The following GRIK4 variants were observed in gnomAD, a reference collection of about 807,000 sequenced individuals.
The protein encoded by GRIK4 is glutamate receptor ionotropic, kainate 4.
Under a neutral mutation model 104.9 loss-of-function variants are expected in GRIK4, and 40 were observed. That is an observed-to-expected ratio of 0.38 (90% CI 0.30 to 0.50). The LOEUF (loss-of-function observed/expected upper bound fraction) is 0.50. GRIK4 is among the 20% of genes least tolerant of loss of function. The pLI is 0.93. For synonymous variants in GRIK4, 485 were observed against 524.9 expected, an observed-to-expected ratio of 0.92 and a Z score of 1.04; for missense variants, 1,047 against 1,308.1, an observed-to-expected ratio of 0.80 and a Z score of 3.08.
chr11:120,984,625 G>A (rs1281252320), intron 20 of GRIK4, among the ~76,000 whole-genome samples: 6 of 151,976 alleles, frequency 3.9e-5, no homozygotes, highest in Non-Finnish European at 7.4e-5. Context: ...AAATTTAGCC[G>A]GGTGTGATGG....
intron 13 of GRIK4, among the ~76,000 whole-genome samples, chr11:120,909,557 ATG>A (rs769725813): frequency 1.3e-5 from 2 of 152,182 alleles, no homozygotes; most frequent in Non-Finnish European, 2.9e-5. Flanking sequence ...AAGAAAGAGA[ATG>A]TGTACAAGGA....
At chr11:120,803,908 G>T (rs960894167) in intron 4 of GRIK4, among the ~76,000 whole-genome samples, 10 of 152,182 alleles carry the variant, frequency 6.6e-5, no homozygotes, top group Admixed American at 3.3e-4. Flanking sequence ...CTTTAGAAAA[G>T]AAACTGAGGC....
At chr11:120,663,936 C>A (rs1949861817) in intron 3 of GRIK4, among the ~76,000 whole-genome samples, 1 of 152,196 alleles carries the variant, frequency 6.6e-6, no homozygotes, top group Non-Finnish European at 1.5e-5. Flanking sequence ...CCCATTCCCC[C>A]AGCACATAAC....
chr11:120,696,732 C>G (rs61902688), intron 3 of GRIK4, among the ~76,000 whole-genome samples: 1 of 151,906 alleles, frequency 6.6e-6, no homozygotes, highest in Non-Finnish European at 1.5e-5. Flanking sequence ...AGGGGTGGAC[C>G]GGAGGGAGAG....
intron 3 of GRIK4, among the ~76,000 whole-genome samples, chr11:120,757,824 G>A (rs553036823): frequency 1.3e-5 from 2 of 152,116 alleles, no homozygotes; most frequent in Non-Finnish European, 2.9e-5. Context: ...GGATCACTCC[G>A]TTCCCACCCC....
chr11:120,585,988 A>T (rs1343220240), intron 1 of GRIK4, among the ~76,000 whole-genome samples: 2 of 145,922 alleles, frequency 1.4e-5, no homozygotes, highest in Non-Finnish European at 2.9e-5. Flanking sequence ...AGAGATGCCC[A>T]TGGGGCATAA....
At chr11:120,737,609 C>T (rs1319659258) in intron 3 of GRIK4, among the ~76,000 whole-genome samples, 2 of 151,792 alleles carry the variant, frequency 1.3e-5, no homozygotes, top group Non-Finnish European at 2.9e-5. Flanking sequence ...AGGAGGAATC[C>T]GTAAATTAAA....
chr11:120,878,195 G>C (rs1342494614), intron 11 of GRIK4, among the ~76,000 whole-genome samples: 1 of 152,188 alleles, frequency 6.6e-6, no homozygotes, highest in South Asian at 2.1e-4. Flanking sequence ...ACATAAGCGG[G>C]CAGGACAGGC....
intron 18 of GRIK4, 141 bp downstream of exon 18, chr11:120,962,822 AGTT>A: frequency 2.2e-6 from 1 of 461,098 alleles, no homozygotes. Flanking sequence ...GGCATTCTAA[AGTT>A]TTTTTTTTTT....
chr11:120,800,725 G>A (rs987703640), intron 3 of GRIK4, among the ~76,000 whole-genome samples: 4 of 152,184 alleles, frequency 2.6e-5, no homozygotes, highest in African/African-American at 9.7e-5. Flanking sequence ...GAAATGCTTT[G>A]CAATATTCTG....
At chr11:120,971,629 A>G (rs1002822820) in intron 19 of GRIK4, among the ~76,000 whole-genome samples, 1 of 152,220 alleles carries the variant, frequency 6.6e-6, no homozygotes, top group East Asian at 1.9e-4. Context: ...TTTAGAAGCT[A>G]GAGAGAGACA....
At chr11:120,624,694 C>T (rs1174328795) in intron 1 of GRIK4, among the ~76,000 whole-genome samples, 1 of 152,224 alleles carries the variant, frequency 6.6e-6, no homozygotes, top group Non-Finnish European at 1.5e-5. Flanking sequence ...GGGAATTGCT[C>T]TCAACCTGTT....
chr11:120,973,042 G>A (rs1327843866), intron 19 of GRIK4, among the ~76,000 whole-genome samples: 3 of 152,092 alleles, frequency 2.0e-5, no homozygotes, highest in African/African-American at 7.2e-5. Flanking sequence ...CCGCAAACCT[G>A]AAATACATCC....
chr11:120,935,072 C>T (rs192640635), intron 13 of GRIK4, among the ~76,000 whole-genome samples: 1 of 152,324 alleles, frequency 6.6e-6, no homozygotes, highest in East Asian at 1.9e-4. Context: ...CCGCCATCAT[C>T]CACTTAAGCA....
chr11:120,720,426 C>G (rs1950910858), intron 3 of GRIK4, among the ~76,000 whole-genome samples: 1 of 152,252 alleles, frequency 6.6e-6, no homozygotes, highest in East Asian at 1.9e-4. Context: ...GACTCCCTTG[C>G]AGTCCAGCAC....
chr11:120,629,216 T>C (rs1949302060), intron 1 of GRIK4, among the ~76,000 whole-genome samples: 1 of 152,122 alleles, frequency 6.6e-6, no homozygotes, highest in East Asian at 1.9e-4. Context: ...TATAGGGCAG[T>C]GGTTGATGAT....
At chr11:120,615,096 A>G (rs965936139) in intron 1 of GRIK4, among the ~76,000 whole-genome samples, 1 of 152,228 alleles carries the variant, frequency 6.6e-6, no homozygotes. Context: ...GCACCATGCT[A>G]GGTGCTTTTT....
At chr11:120,590,088 A>G (rs117870830) in intron 1 of GRIK4, among the ~76,000 whole-genome samples, 2,329 of 152,252 alleles carry the variant, frequency 0.015, 29 homozygotes, top group Non-Finnish European at 0.024. Flanking sequence ...GTGTGTTTCA[A>G]TGCGTTTTTC....
intron 3 of GRIK4, among the ~76,000 whole-genome samples, chr11:120,674,685 C>T (rs761484614): frequency 5.3e-5 from 8 of 152,188 alleles, no homozygotes; most frequent in Non-Finnish European, 8.8e-5. Context: ...TTTCCCTTAG[C>T]GGCAGGGATC....
Sources: allele counts gnomAD v4.1 joint callset (sites outside exome capture counted in the v4.1 genomes callset), GRCh38; gene constraint gnomAD v4.1.1; transcripts MANE v1.5; gene names NCBI Gene and HGNC (gene_info 2026-07-23, HGNC 2026-07-21).